The following FUT9 variants were observed in gnomAD, a reference collection of about 807,000 sequenced individuals.
FUT9 encodes 4-galactosyl-N-acetylglucosaminide 3-alpha-L-fucosyltransferase 9.
A neutral mutation model predicts 29.7 loss-of-function variants in FUT9; 15 were observed. The ratio of observed to expected loss-of-function variants is 0.51; its 90% CI spans 0.34 to 0.78. FUT9 has a LOEUF of 0.78. Ranked by LOEUF, FUT9 falls within the 30% of genes least tolerant of loss-of-function variation. FUT9 has a pLI of 0.01. For synonymous variants in FUT9, 169 were observed against 153.7 expected, an observed-to-expected ratio of 1.10 and a Z score of -0.74; for missense variants, 319 against 425.4, an observed-to-expected ratio of 0.75 and a Z score of 2.20.
intron 1 of FUT9, among the ~76,000 whole-genome samples, chr6:96,059,894 T>A (rs1194480962): frequency 6.6e-6 from 1 of 152,150 alleles, no homozygotes; most frequent in Non-Finnish European, 1.5e-5. Context: ...CATGGAAGCA[T>A]GGTTAGAATA....
intron 2 of FUT9, among the ~76,000 whole-genome samples, chr6:96,153,995 T>A (rs908131267): frequency 1.4e-4 from 21 of 152,308 alleles, no homozygotes; most frequent in African/African-American, 3.4e-4. Flanking sequence ...TCAGACTGTA[T>A]GTTTCTGCCA....
At chr6:96,117,636 T>C (rs542968022) in intron 2 of FUT9, among the ~76,000 whole-genome samples, 25 of 152,360 alleles carry the variant, frequency 1.6e-4, no homozygotes, top group African/African-American at 5.8e-4. Flanking sequence ...AGAATTTAAG[T>C]GACTTGCCTA....
chr6:96,194,589 C>T (rs569550550), intron 2 of FUT9, among the ~76,000 whole-genome samples: 1 of 151,900 alleles, frequency 6.6e-6, no homozygotes, highest in Non-Finnish European at 1.5e-5. Flanking sequence ...AAGGAAAAGA[C>T]GATGTCAAGA....
At chr6:96,149,491 T>C (rs1303504361) in intron 2 of FUT9, among the ~76,000 whole-genome samples, 1 of 152,238 alleles carries the variant, frequency 6.6e-6, no homozygotes, top group South Asian at 2.1e-4. Context: ...ATAACCCTTC[T>C]AGAGAAGTAC....
At chr6:96,055,337 A>G (rs927332276) in intron 1 of FUT9, among the ~76,000 whole-genome samples, 12 of 151,724 alleles carry the variant, frequency 7.9e-5, no homozygotes, top group African/African-American at 2.7e-4. Flanking sequence ...ATTTGACCCA[A>G]TAACTAGGAT....
intron 2 of FUT9, among the ~76,000 whole-genome samples, chr6:96,135,078 A>T (rs1172343278): frequency 6.6e-6 from 1 of 151,898 alleles, no homozygotes; most frequent in African/African-American, 2.4e-5. Flanking sequence ...GTTGCTTGGA[A>T]AGAAAATTAC....
chr6:96,167,663 AC>A (rs1773038365), intron 2 of FUT9, among the ~76,000 whole-genome samples: 2 of 152,328 alleles, frequency 1.3e-5, no homozygotes, highest in Admixed American at 1.3e-4. Context: ...TGTCAAAAGT[AC>A]TAAGGATAAT....
At chr6:96,197,910 G>A (rs1376395151) in intron 2 of FUT9, among the ~76,000 whole-genome samples, 1 of 152,058 alleles carries the variant, frequency 6.6e-6, no homozygotes, top group African/African-American at 2.4e-5. Flanking sequence ...TTTAAAATAA[G>A]GATTCAATAC....
chr6:96,042,642 A>G (rs1770482962), intron 1 of FUT9, among the ~76,000 whole-genome samples: 2 of 152,160 alleles, frequency 1.3e-5, no homozygotes. Context: ...GACTTGAAAG[A>G]TGGATATTCT....
chr6:96,168,854 T>C (rs571411815), intron 2 of FUT9, among the ~76,000 whole-genome samples: 1 of 152,290 alleles, frequency 6.6e-6, no homozygotes, highest in South Asian at 2.1e-4. Context: ...GGGGGCTCAA[T>C]ATTTTTTAAT....
At chr6:96,094,323 A>T (rs1250033431) in intron 1 of FUT9, among the ~76,000 whole-genome samples, 1 of 152,146 alleles carries the variant, frequency 6.6e-6, no homozygotes, top group Admixed American at 6.6e-5. Context: ...TTGTCACAGT[A>T]TCTCAGTGCT....
chr6:96,030,610 C>A (rs1770245256), intron 1 of FUT9, among the ~76,000 whole-genome samples: 3 of 151,388 alleles, frequency 2.0e-5, no homozygotes, highest in Admixed American at 2.0e-4. Context: ...TATGACCCAG[C>A]AATACAATTT....
intron 1 of FUT9, among the ~76,000 whole-genome samples, chr6:96,049,435 G>A (rs1350635994): frequency 6.6e-6 from 1 of 152,202 alleles, no homozygotes; most frequent in Non-Finnish European, 1.5e-5. Context: ...TTCTAATAAA[G>A]GAAGTATATC....
chr6:96,213,102 T>C lies in FUT9; in HGVS notation c.*8867T>C. On this transcript the variant is annotated 3_prime_UTR_variant, in exon 3 of 3. Coordinates refer to ENST00000302103, the MANE Select transcript of FUT9 (RefSeq NM_006581.4). ...ATATATTCGTGCAGATGTTTTCTTC[T>C]TTTCTTACTGCGCATTTCCATGTGG... 6.0e-6 allele frequency: 1 copy of C among 167,036 alleles called. No individual in the cohort carries two copies. The allele number at this position is 167,036 out of a possible 1,614,324, so 10.3% of individuals were successfully genotyped here.
rs541189278 is a variant in FUT9 at position 96,203,644 on chromosome 6, T to C, written c.489T>C (p.Asp163=). ...CTCTGACTTACCGCCGTGATTCAGA[T>C]ATCCAAGTGCCTTATGGCTTCTTGA... ...NLTLTYRRDS[D]IQVPYGFLTV... The change falls in exon 3 of 3, where the codon GAT becomes GAC. Residue 163 remains aspartate (D), a synonymous_variant. Transcript: ENST00000302103. 39 of 1,614,070 alleles carry C rather than the reference T, an allele frequency of 2.4e-5. No individual in the cohort carries two copies. In the South Asian group the frequency reaches 4.1e-4, roughly 17 times the overall value.
rs1482050458 is a variant in FUT9 at position 96,203,770 on chromosome 6, T to C, written c.615T>C (p.Tyr205=). 6.2e-7 allele frequency: 1 copy of C among 1,614,022 alleles called. No homozygotes were observed. Among genetic ancestry groups the C allele is most frequent in the Non-Finnish European group, 8.5e-7 (1 of 1,179,990 alleles). Residue 205 remains tyrosine, a synonymous_variant, in exon 3 of 3, where the codon TAT becomes TAC. Coordinates refer to ENST00000302103, the MANE Select transcript of FUT9 (RefSeq NM_006581.4). The part of the protein sequence containing the change: ...NWNPEHARVK[Y]YNELSKSIEI... ...ACCCTGAGCATGCCAGAGTCAAGTA[T>C]TACAATGAGCTAAGCAAAAGCATTG...
At chr6:96,074,680 A>G (rs1209942716) in intron 1 of FUT9, among the ~76,000 whole-genome samples, 5 of 152,152 alleles carry the variant, frequency 3.3e-5, no homozygotes, top group Non-Finnish European at 7.4e-5. Flanking sequence ...TTAGAAGAAA[A>G]ATTACCTTTA....
rs566230905 is a variant in FUT9 at position 96,060,627 on chromosome 6, C to T, written c.-98+44415C>T. ...TCTGAGCTCACTGCAACCTCTGCCT[C>T]CCAGGCTCAAGCAATTCTCCTGCCT... On this transcript the variant is annotated intron_variant, in intron 1 of 2. Transcript: ENST00000302103. 4.6e-5 allele frequency among the ~76,000 whole-genome samples: 7 copies of T among 152,118 alleles called. No individual in the cohort carries two copies. The South Asian group carries it at 1.2e-3, about 27-fold the overall frequency.
chr6:96,140,669 T>C (rs1407973997), intron 2 of FUT9, among the ~76,000 whole-genome samples: 5 of 152,146 alleles, frequency 3.3e-5, no homozygotes, highest in African/African-American at 1.2e-4. Flanking sequence ...CAAAAGAACG[T>C]ATGCAAGAGA....
Sources: allele counts gnomAD v4.1 joint callset (sites outside exome capture counted in the v4.1 genomes callset), GRCh38; gene constraint gnomAD v4.1.1; transcripts MANE v1.5; gene names NCBI Gene and HGNC (gene_info 2026-07-23, HGNC 2026-07-21).